The following ACAN variants were observed in gnomAD, a reference collection of about 807,000 sequenced individuals.
The protein encoded by ACAN is aggrecan, also known as aggrecan core protein.
A neutral mutation model predicts 169.1 loss-of-function variants in ACAN; 47 were observed. The observed-to-expected ratio is 0.28, with a 90% confidence interval of 0.22 to 0.35. The LOEUF (loss-of-function observed/expected upper bound fraction) is 0.35. Ranked by LOEUF, ACAN falls within the 10% of genes least tolerant of loss-of-function variation. ACAN has a pLI of 1.00. For missense variants in ACAN, 2,716 were observed against 2,759.9 expected, an observed-to-expected ratio of 0.98 and a Z score of 0.36; for synonymous variants, 1,115 against 1,112.2, an observed-to-expected ratio of 1.00 and a Z score of -0.05.
chr15:88,849,401 G>T lies in ACAN; in HGVS notation c.1733-37G>T, dbSNP rs996714747. On this transcript the variant is annotated intron_variant, in intron 9 of 18. Transcript: ENST00000560601. The surrounding 1 kb of genome is among the most constrained non-coding windows in gnomAD (Gnocchi z 5.1). ...GCAGGGATGGACCTGGCCTGAGTGT[G>T]GGGGGGTCATATTCTACCCCTTGCC... is the stretch of plus-strand genomic sequence containing the variant. 5.9e-6 allele frequency: 9 copies of T among 1,517,370 alleles called. No homozygotes were observed. Among genetic ancestry groups the T allele is most frequent in the Admixed American group, 5.7e-5 (3 of 52,330 alleles). The allele number at this position is 1,517,370 out of a possible 1,614,324, so 94.0% of individuals were successfully genotyped here.
chr15:88,838,685 C>A lies in ACAN; in HGVS notation c.93C>A (p.Val31=). The change falls in exon 3 of 19, where the codon GTC becomes GTA. Residue 31 remains valine (V), a synonymous_variant. Transcript: ENST00000560601. This position sits in a 1 kb window ranked among gnomAD's most constrained non-coding sequence, Gnocchi z 5.1. ...CAGACCATGACAACTCGCTGAGTGT[C>A]AGCATCCCCCAACCGTCCCCGCTGA... ...ETSDHDNSLS[V]SIPQPSPLRV... The A allele has an allele frequency of 6.3e-7, 1 of 1,591,654 alleles. No homozygotes were observed. The highest frequency in any genetic ancestry group is 8.6e-7 in the Non-Finnish European group (1 of 1,167,514).
At chr15:88,813,101 G>A (rs1895860827) in intron 1 of ACAN, among the ~76,000 whole-genome samples, 1 of 152,196 alleles carries the variant, frequency 6.6e-6, no homozygotes, top group African/African-American at 2.4e-5. Context: ...CATGGGACAT[G>A]AGCCCCATCT....
At chr15:88,833,266 C>T (rs1161807076) in intron 1 of ACAN, among the ~76,000 whole-genome samples, 1 of 152,218 alleles carries the variant, frequency 6.6e-6, no homozygotes, top group African/African-American at 2.4e-5. Context: ...TCACTTTCCC[C>T]TACCAAATCT....
chr15:88,826,806 A>G (rs930226695), intron 1 of ACAN, among the ~76,000 whole-genome samples: 1 of 152,170 alleles, frequency 6.6e-6, no homozygotes, highest in Non-Finnish European at 1.5e-5. Context: ...GTTACCTAGT[A>G]TGTTGTCTCC....
chr15:88,849,851 C>G lies in ACAN; in HGVS notation c.2026+120C>G. On this transcript the variant is annotated intron_variant, in intron 10 of 18. Transcript: ENST00000560601. This position sits in a 1 kb window ranked among gnomAD's most constrained non-coding sequence, Gnocchi z 5.1. ...TCAGAGCAAGAAAATGTCAGTCCCT[C>G]TGGGGCAGAGCCAGCTCTGAAACCA... is the stretch of plus-strand genomic sequence containing the variant. 2 of 1,399,152 alleles carry G rather than the reference C, an allele frequency of 1.4e-6. No homozygotes were observed. Among genetic ancestry groups the G allele is most frequent in the Middle Eastern group, 1.7e-4 (1 of 5,736 alleles). The allele number at this position is 1,399,152 out of a possible 1,614,324, so 86.7% of individuals were successfully genotyped here.
At chr15:88,844,454 A>T (rs933813661) in intron 6 of ACAN, among the ~76,000 whole-genome samples, 2 of 151,284 alleles carry the variant, frequency 1.3e-5, no homozygotes, top group African/African-American at 2.4e-5. Context: ...GCTCATTGCA[A>T]CCTCCATCTC....
intron 1 of ACAN, among the ~76,000 whole-genome samples, chr15:88,809,720 G>A (rs1895772354): frequency 1.3e-5 from 2 of 152,194 alleles, no homozygotes; most frequent in African/African-American, 2.4e-5. Flanking sequence ...ATCCTCCAGA[G>A]AGCACTGCAG....
chr15:88,836,211 C>T lies in ACAN; in HGVS notation c.5C>T (p.Thr2Ile), dbSNP rs770071622. Residue 2 changes from threonine to isoleucine, a missense_variant, in exon 2 of 19, where the codon ACC becomes ATC. This residue lies in a region of ACAN where 1,283 missense variants were observed against 1,281.5 expected (regional missense o/e 1.00). Coordinates refer to ENST00000560601, the MANE Select transcript of ACAN (RefSeq NM_001369268.1). ...CTCCCCTCTTCCAGGTGAACTATGA[C>T]CACTTTACTCTGGGTTTTCGTGACT... M[T>I]TLLWVFVTLR... The T allele has an allele frequency of 2.5e-5, 40 of 1,613,556 alleles. No individual in the cohort carries two copies. Among genetic ancestry groups the T allele is most frequent in the Non-Finnish European group, 3.1e-5 (37 of 1,179,718 alleles).
rs1482802691 is a variant in ACAN at position 88,851,892 on chromosome 15, G to A, written c.2125G>A (p.Val709Met). ...GATCGTGACCCAAGTGGTTCCTGGT[G>A]TGGCTGCTGTCCCCGTAGAAGAGGA... ...EWIVTQVVPG[V>M]AAVPVEEETT... The change falls in exon 11 of 19, where the codon GTG becomes ATG. Residue 709 changes from valine to methionine, a missense_variant. Around this residue, in one of 3 missense-constraint regions of ACAN, gnomAD observed 1,283 missense variants for 1,281.5 expected, o/e 1.00. Coordinates refer to ENST00000560601, the MANE Select transcript of ACAN (RefSeq NM_001369268.1). This position sits in a 1 kb window ranked among gnomAD's most constrained non-coding sequence, Gnocchi z 4.3. 8 of 1,612,368 alleles carry A rather than the reference G, an allele frequency of 5.0e-6. No individual in the cohort carries two copies. The highest frequency in any genetic ancestry group is 6.8e-6 in the Non-Finnish European group (8 of 1,179,368).
In ACAN at chr15:88,874,292, G is replaced by A; in HGVS notation, c.7631-113G>A. 2.6e-6 allele frequency: 3 copies of A among 1,163,758 alleles called. No individual in the cohort carries two copies. The highest frequency in any genetic ancestry group is 3.1e-5 in the African/African-American group (2 of 65,184). 72.1% of individuals were successfully genotyped at this position (1,163,758 alleles called of 1,614,324 possible). On this transcript the variant is annotated intron_variant, in intron 18 of 18. Coordinates refer to ENST00000560601, the MANE Select transcript of ACAN (RefSeq NM_001369268.1). This position sits in a 1 kb window ranked among gnomAD's most constrained non-coding sequence, Gnocchi z 7.3. ...AATCAGGAAAGCCGATAAAGCCTCA[G>A]GCGCCTGAGTCCTGGTTTCCACAAG...
chr15:88,831,842 C>A (rs1459073972), intron 1 of ACAN, among the ~76,000 whole-genome samples: 1 of 152,166 alleles, frequency 6.6e-6, no homozygotes, highest in Non-Finnish European at 1.5e-5. Context: ...AGAAGGCCGC[C>A]ACAGGAGGAA....
chr15:88,807,125 C>T lies in ACAN; in HGVS notation c.-8+3316C>T, dbSNP rs1895702263. On this transcript the variant is annotated intron_variant, in intron 1 of 18. Coordinates refer to ENST00000560601, the MANE Select transcript of ACAN (RefSeq NM_001369268.1). The surrounding 1 kb of genome is among the most constrained non-coding windows in gnomAD (Gnocchi z 4.0). Reference sequence around the variant, plus strand: ...CCCTAGGTGGCAGGTGCTGGGGCATCCTTGCTGCCACTGCACCAAGTGCTG... The same window carrying T: ...CCCTAGGTGGCAGGTGCTGGGGCATTCTTGCTGCCACTGCACCAAGTGCTG... 6.6e-6 allele frequency among the ~76,000 whole-genome samples: 1 copy of T among 152,042 alleles called. No individual in the cohort carries two copies. The highest frequency in any genetic ancestry group is 2.4e-5 in the African/African-American group (1 of 41,372).
intron 1 of ACAN, among the ~76,000 whole-genome samples, chr15:88,824,928 C>T (rs909308621): frequency 1.3e-5 from 2 of 151,260 alleles, no homozygotes; most frequent in Admixed American, 1.3e-4. Context: ...AACAGGGTAA[C>T]ATGATAGGGA....
chr15:88,808,466 C>T (rs1895740132), intron 1 of ACAN, among the ~76,000 whole-genome samples: 1 of 152,366 alleles, frequency 6.6e-6, no homozygotes, highest in African/African-American at 2.4e-5. Context: ...CTGCCCTCCA[C>T]CTACTTACAG....
At chr15:88,830,298 C>T (rs1006724838) in intron 1 of ACAN, among the ~76,000 whole-genome samples, 2 of 152,134 alleles carry the variant, frequency 1.3e-5, no homozygotes, top group Admixed American at 6.5e-5. Flanking sequence ...TTCCCCAGCC[C>T]GTTTCTTTAT....
chr15:88,806,553 T>C (rs111454931), intron 1 of ACAN, among the ~76,000 whole-genome samples: 2,447 of 152,280 alleles, frequency 0.016, 67 homozygotes, highest in African/African-American at 0.056. Flanking sequence ...TTTCACCATG[T>C]TGGCCAGGCT....
At chr15:88,811,443 T>G (rs945192955) in intron 1 of ACAN, among the ~76,000 whole-genome samples, 1 of 152,198 alleles carries the variant, frequency 6.6e-6, no homozygotes, top group African/African-American at 2.4e-5. Context: ...AAATCTCAAA[T>G]GAACTCACTG....
At chr15:88,829,085 T>TG (rs1896295765) in intron 1 of ACAN, among the ~76,000 whole-genome samples, 2 of 150,864 alleles carry the variant, frequency 1.3e-5, no homozygotes, top group East Asian at 3.9e-4. Context: ...CCTACACACT[T>TG]GCCCGGAATG....
At position 88,839,948 on chromosome 15, in the gene ACAN, C is replaced by T. The variant is rs1596131605; in HGVS notation, c.455-64C>T. 4 of 1,539,924 alleles carry T rather than the reference C, an allele frequency of 2.6e-6. No homozygotes were observed. Among genetic ancestry groups the T allele is most frequent in the Non-Finnish European group, 3.5e-6 (4 of 1,136,302 alleles). On this transcript the variant is annotated intron_variant, in intron 3 of 18. Coordinates refer to ENST00000560601, the MANE Select transcript of ACAN (RefSeq NM_001369268.1). The surrounding 1 kb of genome is among the most constrained non-coding windows in gnomAD (Gnocchi z 4.5). ...GACTATTGCCATAATTCTGCGAGGG[C>T]CTCGGTGATCAGAGACTGTGCCTGA...
Sources: allele counts gnomAD v4.1 joint callset (sites outside exome capture counted in the v4.1 genomes callset), GRCh38; gene constraint gnomAD v4.1.1; regional missense constraint gnomAD v4.1.1; non-coding constraint Gnocchi (gnomAD v3.1); transcripts MANE v1.5; gene names NCBI Gene and HGNC (gene_info 2026-07-23, HGNC 2026-07-21).